Variants in CRB1 observed in about 807,000 individuals in gnomAD.
CRB1 encodes the protein crumbs cell polarity complex component 1.
In CRB1, 83 loss-of-function variants were observed where a neutral mutation model predicts 120.0. The ratio of observed to expected loss-of-function variants is 0.69; its 90% confidence interval spans 0.58 to 0.83. The LOEUF (loss-of-function observed/expected upper bound fraction) is 0.83. Ranked by LOEUF, CRB1 falls within the 40% of genes least tolerant of loss-of-function variation. The probability of loss-of-function intolerance (pLI) is 0.00; values close to 1 mark genes in which losing one functional copy is unlikely to be tolerated. For synonymous variants in CRB1, 625 were observed against 612.5 expected, an observed-to-expected ratio of 1.02 and a Z score of -0.30; for missense variants, 1,699 against 1,687.6, an observed-to-expected ratio of 1.01 and a Z score of -0.12.
intron 10 of CRB1, chr1:197,440,709 T>A (rs992049431): frequency 6.6e-6 from 1 of 152,212 alleles, no homozygotes; most frequent in African/African-American, 2.4e-5. Context: ...GAAATGTGAC[T>A]TCCATCACAT....
chr1:197,264,246 G>A (rs1654582479), upstream of CRB1, among the ~76,000 whole-genome samples: 2 of 152,148 alleles, frequency 1.3e-5, no homozygotes, highest in South Asian at 4.1e-4. Flanking sequence ...CTGTGTCTGA[G>A]TTGTTTCCCT....
rs1456279366 is a variant in CRB1 at position 197,425,432 on chromosome 1, G to A, written c.2129-2022G>A. On this transcript the variant is annotated intron_variant, in intron 6 of 11. Transcript: ENST00000367400. ...TACTATAGTTAAGCTAAACTAAAAT[G>A]TGTCTTACCTTTGCCCAAACTTCAG... Among the ~76,000 whole-genome samples, 4 of 152,134 alleles carry A rather than the reference G, an allele frequency of 2.6e-5. No homozygotes were observed. In the East Asian group the frequency reaches 7.7e-4, roughly 29 times the overall value.
chr1:197,473,145 T>C (rs2125565838), intron 11 of CRB1, among the ~76,000 whole-genome samples: 1 of 152,318 alleles, frequency 6.6e-6, no homozygotes, highest in African/African-American at 2.4e-5. Context: ...TCTTATGACA[T>C]TTCTGAGAGA....
In CRB1 at chr1:197,368,559, G is replaced by T. The variant is rs117620015; in HGVS notation, c.1171+11546G>T. The stretch of plus-strand genomic sequence containing the variant: ...TTGCTTACTGCCTATTATTTAGAAA[G>T]ATATTATAGCAAGGAGGAAAATTTA... On this transcript the variant is annotated intron_variant, in intron 5 of 11. Transcript: ENST00000367400. Among the ~76,000 whole-genome samples, 109 of 152,226 alleles carry T rather than the reference G, an allele frequency of 7.2e-4. No homozygotes were observed. In the East Asian group the frequency reaches 0.02, roughly 28 times the overall value.
intron 1 of CRB1, among the ~76,000 whole-genome samples, chr1:197,326,603 C>T (rs1450615145): frequency 6.6e-6 from 1 of 151,862 alleles, no homozygotes; most frequent in Non-Finnish European, 1.5e-5. Flanking sequence ...TGTACTCCAG[C>T]CTGGGCGACA....
At chr1:197,399,805 G>T (rs960181240) in intron 5 of CRB1, among the ~76,000 whole-genome samples, 2 of 151,918 alleles carry the variant, frequency 1.3e-5, no homozygotes, top group African/African-American at 4.8e-5. Context: ...ATTCCTTCAG[G>T]GTGGTTAGAC....
chr1:197,305,726 A>G (rs1571805659), intron 1 of CRB1, among the ~76,000 whole-genome samples: 1 of 151,978 alleles, frequency 6.6e-6, no homozygotes, highest in Admixed American at 6.6e-5. Flanking sequence ...AACACTTTAC[A>G]TTCTTCTTGA....
chr1:197,393,016 G>A (rs947513657), intron 5 of CRB1, among the ~76,000 whole-genome samples: 21 of 152,066 alleles, frequency 1.4e-4, no homozygotes, highest in African/African-American at 5.1e-4. Flanking sequence ...TGCATATACT[G>A]TGCAATAATA....
intron 5 of CRB1, among the ~76,000 whole-genome samples, chr1:197,383,844 G>T (rs546972010): frequency 2.0e-5 from 3 of 152,082 alleles, no homozygotes; most frequent in African/African-American, 4.8e-5. Flanking sequence ...ATACCATTTA[G>T]TGTAAACTAC....
intron 5 of CRB1, among the ~76,000 whole-genome samples, chr1:197,376,081 C>A (rs1208551765): frequency 1.3e-5 from 2 of 152,056 alleles, no homozygotes; most frequent in Admixed American, 6.6e-5. Context: ...TAACATCTGC[C>A]CCCTTTTCTT....
At chr1:197,368,702 C>T (rs1174294348) in intron 5 of CRB1, among the ~76,000 whole-genome samples, 1 of 152,160 alleles carries the variant, frequency 6.6e-6, no homozygotes, top group Admixed American at 6.5e-5. Context: ...CTCAGGTTGG[C>T]ATTCCTCTGT....
intron 9 of CRB1, 77 bp from the exon 10 acceptor site, chr1:197,438,470 C>G: frequency 6.4e-7 from 1 of 1,569,712 alleles, no homozygotes; most frequent in South Asian, 1.1e-5. Flanking sequence ...TGACTACATA[C>G]ATGAATTTAT....
At chr1:197,368,660 A>T (rs1240385695) in intron 5 of CRB1, among the ~76,000 whole-genome samples, 1 of 152,234 alleles carries the variant, frequency 6.6e-6, no homozygotes, top group Non-Finnish European at 1.5e-5. Flanking sequence ...ACAGAGATAG[A>T]TAACTATGGC....
the CRB1 span, among the ~76,000 whole-genome samples, chr1:197,208,588 A>G: frequency 6.6e-6 from 1 of 152,212 alleles, no homozygotes; most frequent in Non-Finnish European, 1.5e-5. Context: ...AGTTGTGGAT[A>G]CCAGCTCCTG....
At chr1:197,369,242 A>C (rs1661240695) in intron 5 of CRB1, among the ~76,000 whole-genome samples, 1 of 152,134 alleles carries the variant, frequency 6.6e-6, no homozygotes, top group Non-Finnish European at 1.5e-5. Context: ...ACCTGACCTA[A>C]TAAATGATTA....
the CRB1 span, among the ~76,000 whole-genome samples, chr1:197,252,578 ATATATG>A: frequency 8.4e-4 from 24 of 28,680 alleles, no homozygotes; most frequent in African/African-American, 1.8e-3. Context: ...ATATATATAT[ATATATG>A]TGTGTGTGTG....
At chr1:197,449,695 A>G (rs1055261502) in intron 11 of CRB1, among the ~76,000 whole-genome samples, 1 of 152,160 alleles carries the variant, frequency 6.6e-6, no homozygotes, top group Non-Finnish European at 1.5e-5. Context: ...TTTGGCAGGC[A>G]GTCTCTTAGC....
chr1:197,440,563 T>C (rs992819710), intron 10 of CRB1: 1 of 152,210 alleles, frequency 6.6e-6, no homozygotes, highest in Non-Finnish European at 1.5e-5. Context: ...AATTAACCTC[T>C]AATAAAAATG....
chr1:197,434,130 G>C (rs1665006959), intron 8 of CRB1, among the ~76,000 whole-genome samples: 2 of 152,144 alleles, frequency 1.3e-5, no homozygotes, highest in Non-Finnish European at 2.9e-5. Flanking sequence ...TGTAGATACA[G>C]AATTTGCAGC....
Sources: gnomAD v4.1 joint callset for allele counts (sites outside exome capture counted in the v4.1 genomes callset) on GRCh38, gnomAD v4.1.1 for gene constraint, MANE v1.5 for transcripts, NCBI Gene and HGNC (gene_info 2026-07-23, HGNC 2026-07-21) for gene names.